PAQR8: variants seen among roughly 807,000 people sequenced by gnomAD.
PAQR8 encodes progestin and adipoQ receptor family member 8, also known as membrane progestin receptor beta.
In PAQR8, 17 loss-of-function variants were observed where a neutral mutation model predicts 25.2. The observed-to-expected ratio is 0.67, with a 90% CI of 0.46 to 1.01. PAQR8 has a LOEUF of 1.01. Among genes scored for constraint, PAQR8 ranks in the 50% least tolerant of loss-of-function variants. The pLI, the probability that PAQR8 is intolerant of heterozygous loss-of-function variation, is 0.00. For missense variants in PAQR8, 392 were observed against 448.4 expected, an observed-to-expected ratio of 0.87 and a Z score of 1.14; for synonymous variants, 204 against 190.6, an observed-to-expected ratio of 1.07 and a Z score of -0.58.
Position 52,362,667 on chromosome 6 carries a change from CG to C in PAQR8, c.-53+419del, listed in dbSNP as rs1196480636. On this transcript the variant is annotated intron_variant, in intron 1 of 1. Transcript: ENST00000442253. The surrounding 1 kb of genome is among the most constrained non-coding windows in gnomAD (Gnocchi z 4.1). ...TTCAGGACCAAGACGTGGGGGAGTC[CG>C]ACAGGGCAGAACGAGGGGCGTCCTG... 6.6e-6 allele frequency among the ~76,000 whole-genome samples: 1 copy of C among 152,102 alleles called. No homozygotes were observed. The highest frequency in any genetic ancestry group is 1.9e-4 in the East Asian group (1 of 5,160).
intron 1 of PAQR8, among the ~76,000 whole-genome samples, chr6:52,369,289 G>A (rs1418216702): frequency 6.6e-6 from 1 of 152,160 alleles, no homozygotes; most frequent in Non-Finnish European, 1.5e-5. Flanking sequence ...AGGGCTGTAA[G>A]AATTTGAGAA....
intron 1 of PAQR8, among the ~76,000 whole-genome samples, chr6:52,376,896 G>C (rs539425354): frequency 6.6e-6 from 1 of 152,340 alleles, no homozygotes; most frequent in East Asian, 1.9e-4. Context: ...CAACTTTTCA[G>C]TAGATACTAT....
In PAQR8 at chr6:52,404,180, G is replaced by A. The variant is rs1763880243; in HGVS notation, c.967G>A (p.Ala323Thr). Residue 323 changes from alanine to threonine, a missense_variant, in exon 2 of 2, where the codon GCC becomes ACC. Ala to Thr is a moderately conservative substitution (Grantham distance 58). Coordinates refer to ENST00000442253, the MANE Select transcript of PAQR8 (RefSeq NM_133367.5). Reference protein sequence around the residue: ...QRHGPLSVHMACLSFFFLAAC... With the variant: ...QRHGPLSVHMTCLSFFFLAAC... ...CCATGGACCCCTATCTGTCCACATG[G>A]CCTGCCTCTCCTTCTTCTTCCTGGC... The A allele has an allele frequency of 6.2e-7, 1 of 1,613,844 alleles. No homozygotes were observed. Among genetic ancestry groups the A allele is most frequent in the Non-Finnish European group, 8.5e-7 (1 of 1,179,920 alleles).
At chr6:52,400,978 C>T (rs1763823337) in intron 1 of PAQR8, among the ~76,000 whole-genome samples, 2 of 152,156 alleles carry the variant, frequency 1.3e-5, no homozygotes, top group African/African-American at 4.8e-5. Flanking sequence ...GTGCTAAGCA[C>T]TTCATTTTTT....
At chr6:52,399,966 G>A (rs1365191868) in intron 1 of PAQR8, among the ~76,000 whole-genome samples, 2 of 152,110 alleles carry the variant, frequency 1.3e-5, no homozygotes, top group African/African-American at 4.8e-5. Flanking sequence ...AAGGCACTCG[G>A]ATCCCTCTGC....
intron 1 of PAQR8, among the ~76,000 whole-genome samples, chr6:52,396,363 CAGTATTAAG>C (rs1286401141): frequency 1.3e-5 from 2 of 152,066 alleles, no homozygotes; most frequent in Admixed American, 6.5e-5. Flanking sequence ...CAAGAACTCC[CAGTATTAAG>C]AGTATTAAGA....
At chr6:52,371,705 TAAAATA>T (rs1763421327) in intron 1 of PAQR8, among the ~76,000 whole-genome samples, 1 of 152,164 alleles carries the variant, frequency 6.6e-6, no homozygotes, top group Non-Finnish European at 1.5e-5. Flanking sequence ...TACAAAGACA[TAAAATA>T]GCTACCATGT....
chr6:52,367,291 G>A (rs567450010), intron 1 of PAQR8, among the ~76,000 whole-genome samples: 5 of 152,214 alleles, frequency 3.3e-5, no homozygotes, highest in African/African-American at 1.2e-4. Flanking sequence ...TGGCTAGAGC[G>A]TGGGATTTGG....
chr6:52,385,015 AC>A (rs763481728), intron 1 of PAQR8, among the ~76,000 whole-genome samples: 7 of 152,310 alleles, frequency 4.6e-5, no homozygotes, highest in Non-Finnish European at 1.0e-4. Flanking sequence ...AAATTAACTC[AC>A]AATGGATTAA....
At chr6:52,398,197 CTTTTTTCTT>C (rs377335661) in intron 1 of PAQR8, among the ~76,000 whole-genome samples, 19,590 of 133,322 alleles carry the variant, frequency 0.15, 1,730 homozygotes, top group African/African-American at 0.3. Flanking sequence ...TTTTTCTTTT[CTTTTTTCTT>C]TTTTTTTTTT....
chr6:52,382,779 G>A (rs1236064918), intron 1 of PAQR8, among the ~76,000 whole-genome samples: 4 of 152,110 alleles, frequency 2.6e-5, no homozygotes. Flanking sequence ...GGTAGACATA[G>A]GAAGCTACGT....
chr6:52,383,367 A>G (rs1053306580), intron 1 of PAQR8, among the ~76,000 whole-genome samples: 5 of 152,260 alleles, frequency 3.3e-5, no homozygotes, highest in Non-Finnish European at 7.3e-5. Context: ...TTTATTTTAG[A>G]AACCAGGAAT....
intron 1 of PAQR8, among the ~76,000 whole-genome samples, chr6:52,378,421 CAG>C (rs1763510270): frequency 6.6e-6 from 1 of 152,310 alleles, no homozygotes; most frequent in South Asian, 2.1e-4. Flanking sequence ...TACAGCTAAG[CAG>C]AGTTATCAAG....
intron 1 of PAQR8, among the ~76,000 whole-genome samples, chr6:52,368,716 A>T (rs922248913): frequency 1.3e-5 from 2 of 152,186 alleles, no homozygotes; most frequent in Admixed American, 1.3e-4. Flanking sequence ...TATCTTCTCA[A>T]ATATGACTTT....
chr6:52,382,073 A>G lies in PAQR8; in HGVS notation c.-53+19824A>G, dbSNP rs80107607. Among the ~76,000 whole-genome samples, 1,133 of 152,352 alleles carry G rather than the reference A, an allele frequency of 7.4e-3. 12 individuals carry two copies. The highest frequency in any genetic ancestry group is 0.011 in the Non-Finnish European group (735 of 68,030). On this transcript the variant is annotated intron_variant, in intron 1 of 1. Coordinates refer to ENST00000442253, the MANE Select transcript of PAQR8 (RefSeq NM_133367.5). ...AATCTGTGCTAGGGTCTAAGCAGGG[A>G]GGTACCATACAACACAATACTTGCC...
chr6:52,386,702 ACTAC>A (rs1347392371), intron 1 of PAQR8, among the ~76,000 whole-genome samples: 1 of 152,194 alleles, frequency 6.6e-6, no homozygotes, highest in Non-Finnish European at 1.5e-5. Flanking sequence ...AGGTTGAAAA[ACTAC>A]CTGTTGGGTA....
chr6:52,396,621 G>C (rs932754885), intron 1 of PAQR8, among the ~76,000 whole-genome samples: 3 of 152,128 alleles, frequency 2.0e-5, no homozygotes, highest in Non-Finnish European at 4.4e-5. Flanking sequence ...AGTTAGGAGA[G>C]CCATTATTGA....
intron 1 of PAQR8, among the ~76,000 whole-genome samples, chr6:52,383,450 A>T (rs998118866): frequency 8.5e-5 from 13 of 152,084 alleles, no homozygotes; most frequent in African/African-American, 3.1e-4. Context: ...TCACGAGGTC[A>T]GGAGATCGAG....
At chr6:52,366,443 T>G (rs577726577) in intron 1 of PAQR8, among the ~76,000 whole-genome samples, 25 of 152,316 alleles carry the variant, frequency 1.6e-4, no homozygotes, top group African/African-American at 5.8e-4. Flanking sequence ...CATATGGATT[T>G]TACTACATGA....
Sources: gnomAD v4.1 joint callset for allele counts (sites outside exome capture counted in the v4.1 genomes callset) on GRCh38, gnomAD v4.1.1 for gene constraint, Gnocchi (gnomAD v3.1) non-coding constraint, MANE v1.5 for transcripts, NCBI Gene and HGNC (gene_info 2026-07-23, HGNC 2026-07-21) for gene names.